HEPACAM2: variants seen among roughly 807,000 people sequenced by gnomAD.
HEPACAM2 encodes the protein mitotic kinetics regulator.
A neutral mutation model predicts 49.6 loss-of-function variants in HEPACAM2; 49 were observed. The observed-to-expected ratio is 0.99, with a 90% CI of 0.78 to 1.25. The LOEUF is 1.25. HEPACAM2 is among the 50% of genes most tolerant of loss of function. The probability of loss-of-function intolerance (pLI) is 0.00; values close to 1 mark genes in which losing one functional copy is unlikely to be tolerated. For missense variants in HEPACAM2, 525 were observed against 557.2 expected (o/e 0.94, Z 0.58); for synonymous variants, 197 against 202.9 (o/e 0.97, Z 0.25).
chr7:93,198,087 C>T (rs1017703070), intron 4 of HEPACAM2, among the ~76,000 whole-genome samples: 4 of 149,936 alleles, frequency 2.7e-5, no homozygotes, highest in Non-Finnish European at 5.9e-5. Flanking sequence ...AATTTTTGGC[C>T]AATAAAGAAA....
At chr7:93,220,445 G>C (rs1007963268) in intron 1 of HEPACAM2, among the ~76,000 whole-genome samples, 4 of 152,222 alleles carry the variant, frequency 2.6e-5, no homozygotes, top group African/African-American at 7.2e-5. Flanking sequence ...AGGATGCCAA[G>C]CTTCTTGACT....
At chr7:93,227,763 A>G (rs1016663653), upstream of HEPACAM2, among the ~76,000 whole-genome samples, 1 of 152,124 alleles carries the variant, frequency 6.6e-6, no homozygotes, top group Admixed American at 6.5e-5. Context: ...ACACACATCT[A>G]TTGCAGCACT....
chr7:93,219,546 T>A, intron 1 of HEPACAM2, 95 bp from the exon 2 acceptor site: 2 of 1,563,398 alleles, frequency 1.3e-6, no homozygotes, highest in Non-Finnish European at 1.7e-6. Context: ...GTGATAATCC[T>A]TTTCAAAGAA....
Position 93,192,270 on chromosome 7 carries a change from G to A in HEPACAM2, c.1369C>T (p.Gln457Ter). ...YEVIQHIPAQ[Q>*]QDHPE is the part of the protein sequence containing the mutation. Reference sequence around the variant, plus strand: ...CGTACTTACTCTGGATGGTCTTGCTGCTGGGCAGGGATGTGCTGAATAACT... The same window carrying A: ...CGTACTTACTCTGGATGGTCTTGCTACTGGGCAGGGATGTGCTGAATAACT... The change falls in exon 9 of 10, where the codon CAG becomes TAG. Residue 457 changes from glutamine to a stop codon, truncating the protein, a stop_gained. Coordinates refer to ENST00000394468, the MANE Select transcript of HEPACAM2 (RefSeq NM_001039372.4). LOFTEE classifies it high-confidence loss of function. 1 of 1,611,752 alleles carries A rather than the reference G, an allele frequency of 6.2e-7. No individual in the cohort carries two copies. Among genetic ancestry groups the A allele is most frequent in the Non-Finnish European group, 8.5e-7 (1 of 1,178,310 alleles).
chr7:93,197,190 T>C, intron 7 of HEPACAM2, 51 bp downstream of exon 7: 4 of 1,317,346 alleles, frequency 3.0e-6, no homozygotes, highest in Non-Finnish European at 4.2e-6. Flanking sequence ...TTAACACAAC[T>C]AATTAACATA....
At chr7:93,225,716 T>A (rs978503611) in intron 1 of HEPACAM2, among the ~76,000 whole-genome samples, 1 of 151,860 alleles carries the variant, frequency 6.6e-6, no homozygotes, top group African/African-American at 2.4e-5. Flanking sequence ...TCCTTTAAAC[T>A]CAAAAGATAA....
At chr7:93,202,506 GT>G (rs1793921329) in intron 4 of HEPACAM2, among the ~76,000 whole-genome samples, 1 of 151,940 alleles carries the variant, frequency 6.6e-6, no homozygotes, top group African/African-American at 2.4e-5. Flanking sequence ...TTACATATCA[GT>G]TTTTCCTCTA....
intron 4 of HEPACAM2, among the ~76,000 whole-genome samples, chr7:93,197,972 T>C (rs1793779368): frequency 1.3e-5 from 2 of 152,120 alleles, no homozygotes. Flanking sequence ...TCATTTTCCT[T>C]CCATTTTGCT....
intron 1 of HEPACAM2, 92 bp downstream of exon 1, chr7:93,226,276 T>C: frequency 2.3e-6 from 2 of 879,840 alleles, no homozygotes; most frequent in Non-Finnish European, 3.6e-6. Context: ...TCTGAATGCA[T>C]CTACAGCCTA....
chr7:93,220,907 A>C, intron 1 of HEPACAM2, among the ~76,000 whole-genome samples: 1 of 152,220 alleles, frequency 6.6e-6, no homozygotes, highest in East Asian at 1.9e-4. Context: ...TCATATTAAA[A>C]GGGGCAATAT....
chr7:93,224,937 C>G (rs1255114575), intron 1 of HEPACAM2, among the ~76,000 whole-genome samples: 2 of 152,068 alleles, frequency 1.3e-5, no homozygotes, highest in Non-Finnish European at 2.9e-5. Flanking sequence ...TTCCTAAAAG[C>G]AAAGATTGCC....
chr7:93,204,051 T>C (rs1016815577), intron 4 of HEPACAM2, among the ~76,000 whole-genome samples: 1 of 152,172 alleles, frequency 6.6e-6, no homozygotes, highest in African/African-American at 2.4e-5. Context: ...ACATCTTGAC[T>C]TGAGAAATTT....
intron 4 of HEPACAM2, among the ~76,000 whole-genome samples, chr7:93,202,406 A>G (rs573460836): frequency 2.1e-3 from 318 of 152,210 alleles, no homozygotes; most frequent in Non-Finnish European, 3.7e-3. Context: ...TAGAATTGAG[A>G]GTAGACAGGT....
In HEPACAM2 at chr7:93,196,298, A is replaced by G. The variant is rs149467499; in HGVS notation, c.1202-397T>C. 6.1e-3 allele frequency among the ~76,000 whole-genome samples: 922 copies of G among 152,272 alleles called. 7 individuals are homozygous for G. The highest frequency in any genetic ancestry group is 6.1e-3 in the Non-Finnish European group (412 of 68,012). On this transcript the variant is annotated intron_variant, in intron 7 of 9. Transcript: ENST00000394468. ...CACCCTGTTAGATCTAACAGATCTAACAGATGTAACAGATCATCAGAACAA... is the reference window on the plus strand; with the variant it reads ...CACCCTGTTAGATCTAACAGATCTAGCAGATGTAACAGATCATCAGAACAA...
At chr7:93,223,532 G>T (rs1046095050) in intron 1 of HEPACAM2, among the ~76,000 whole-genome samples, 1 of 151,922 alleles carries the variant, frequency 6.6e-6, no homozygotes, top group Non-Finnish European at 1.5e-5. Context: ...ATTAGTTTTG[G>T]GGTCTATTTT....
intron 8 of HEPACAM2, among the ~76,000 whole-genome samples, chr7:93,193,778 T>C (rs1793615520): frequency 6.6e-6 from 1 of 152,146 alleles, no homozygotes; most frequent in South Asian, 2.1e-4. Context: ...AATAATTTAA[T>C]TTATTTCCCT....
intron 4 of HEPACAM2, among the ~76,000 whole-genome samples, chr7:93,204,395 A>G (rs1374234127): frequency 1.3e-5 from 2 of 152,036 alleles, no homozygotes; most frequent in African/African-American, 2.4e-5. Flanking sequence ...CTGTCTGTCT[A>G]TACATTGCAT....
chr7:93,197,742 A>G, intron 4 of HEPACAM2, 132 bp from the exon 5 acceptor site: 1 of 605,914 alleles, frequency 1.7e-6, no homozygotes, highest in Non-Finnish European at 2.8e-6. Context: ...ACACACAGAG[A>G]GAGAGAGAGA....
At chr7:93,196,388 C>T (rs1375292162) in intron 7 of HEPACAM2, among the ~76,000 whole-genome samples, 1 of 152,096 alleles carries the variant, frequency 6.6e-6, no homozygotes, top group African/African-American at 2.4e-5. Flanking sequence ...ACTATCAATC[C>T]ACATAAACTA....
Sources: gnomAD v4.1 joint callset for allele counts (sites outside exome capture counted in the v4.1 genomes callset) on GRCh38, gnomAD v4.1.1 for gene constraint, MANE v1.5 for transcripts, NCBI Gene and HGNC (gene_info 2026-07-23, HGNC 2026-07-21) for gene names.